The following HERC1 variants were observed in gnomAD, a reference collection of about 807,000 sequenced individuals.
HERC1 encodes the protein HECT and RLD domain containing E3 ubiquitin protein ligase family member 1.
Under a neutral mutation model 554.3 loss-of-function variants are expected in HERC1, and 160 were observed. The ratio of observed to expected loss-of-function variants is 0.29; its 90% CI spans 0.25 to 0.33. The LOEUF (loss-of-function observed/expected upper bound fraction) is 0.33, where lower values mean the gene tolerates loss of function less well. Ranked by LOEUF, HERC1 falls within the 10% of genes least tolerant of loss-of-function variation. HERC1 has a pLI of 1.00. For synonymous variants in HERC1, 2,175 were observed against 2,131.7 expected (o/e 1.02, Z -0.56); for missense variants, 4,919 against 5,918.5 (o/e 0.83, Z 5.54).
chr15:63,686,501 A>T lies in HERC1; in HGVS notation c.6083T>A (p.Leu2028His), dbSNP rs762982164. The T allele has an allele frequency of 1.3e-5, 21 of 1,613,518 alleles. No individual in the cohort carries two copies. Among genetic ancestry groups the T allele is most frequent in the Non-Finnish European group, 1.6e-5 (19 of 1,179,766 alleles). ...QGELEEEDEN[L>H]PIQEVSFDPE... ...GTCAAAGGATACTTCTTGGATAGGAAGATTCTCATCTTCTTCTTCCAACTC... is the reference window on the plus strand; with the variant it reads ...GTCAAAGGATACTTCTTGGATAGGATGATTCTCATCTTCTTCTTCCAACTC... The change falls in exon 34 of 78, where the codon CTT becomes CAT. Residue 2028 changes from leucine (L) to histidine (H), a missense_variant. Physicochemically the swap from Leu to His is moderately conservative, Grantham distance 99. Transcript: ENST00000443617.
intron 21 of HERC1, among the ~76,000 whole-genome samples, chr15:63,717,758 G>A (rs1208279208): frequency 6.6e-6 from 1 of 152,180 alleles, no homozygotes; most frequent in East Asian, 1.9e-4. Flanking sequence ...TGTAATCCCA[G>A]CTACTCGGGA....
chr15:63,747,415 A>C (rs2075094824), intron 11 of HERC1, among the ~76,000 whole-genome samples: 1 of 152,080 alleles, frequency 6.6e-6, no homozygotes, highest in Admixed American at 6.5e-5. Flanking sequence ...AACTGAGATC[A>C]TGCCACTGCA....
At chr15:63,776,037 CAAAA>C (rs34323931) in intron 1 of HERC1, among the ~76,000 whole-genome samples, 1 of 131,144 alleles carries the variant, frequency 7.6e-6, no homozygotes. Context: ...GACTCCGTCT[CAAAA>C]AAAAAAAAAA....
chr15:63,716,451 G>A lies in HERC1; in HGVS notation c.4001C>T (p.Ala1334Val). 6.2e-7 allele frequency: 1 copy of A among 1,611,480 alleles called. No homozygotes were observed. The highest frequency in any genetic ancestry group is 8.5e-7 in the Non-Finnish European group (1 of 1,178,832). ...DRWISENQDSADVDPQEHSFT... is the reference protein window; with the variant it reads ...DRWISENQDSVDVDPQEHSFT... ...TGAATGCTCCTGAGGATCAACATCT[G>A]CAGAGTCCTGGTTTTCTGATATCTT... The change falls in exon 22 of 78, where the codon GCA becomes GTA. Residue 1334 changes from alanine (A) to valine (V), a missense_variant. Physicochemically the swap from Ala to Val is moderately conservative, Grantham distance 64. Around this residue, in one of 11 missense-constraint regions of HERC1, gnomAD observed 1,121 missense variants for 1,244.0 expected, o/e 0.90. Coordinates refer to ENST00000443617, the MANE Select transcript of HERC1 (RefSeq NM_003922.4).
intron 25 of HERC1, among the ~76,000 whole-genome samples, chr15:63,704,897 C>T (rs758474410): frequency 2.0e-5 from 3 of 151,892 alleles, no homozygotes; most frequent in Non-Finnish European, 2.9e-5. Context: ...CACCACCACG[C>T]CCGGCTAATT....
chr15:63,828,267 T>C (rs573558548), intron 1 of HERC1, among the ~76,000 whole-genome samples: 1 of 150,780 alleles, frequency 6.6e-6, no homozygotes, highest in Non-Finnish European at 1.5e-5. Context: ...GGGCAAGAGG[T>C]AGAAACAAAG....
intron 2 of HERC1, among the ~76,000 whole-genome samples, chr15:63,771,120 C>A (rs1223761444): frequency 2.0e-5 from 3 of 151,592 alleles, no homozygotes; most frequent in Non-Finnish European, 2.9e-5. Flanking sequence ...ACCCAGGAGG[C>A]AGAGGTTGCA....
Position 63,616,523 on chromosome 15 carries a change from C to G in HERC1, c.13848G>C (p.Glu4616Asp), listed in dbSNP as rs2067826065. ...AGAGCAGATCCACCTCCTCCAGGTC[C>G]TCTAGGGTGAGTGGGACACAGCACA... ...KQLCCVPLTL[E>D]DLEEVDLLYV... Residue 4616 changes from glutamate to aspartate, a missense_variant, in exon 75 of 78, where the codon GAG becomes GAC. Glu to Asp is a conservative substitution (Grantham distance 45). Transcript: ENST00000443617. 2.5e-6 allele frequency: 4 copies of G among 1,614,000 alleles called. No homozygotes were observed. Among genetic ancestry groups the G allele is most frequent in the South Asian group, 2.2e-5 (2 of 91,082 alleles).
At position 63,661,892 on chromosome 15, in the gene HERC1, A is replaced by G; in HGVS notation, c.9031T>C (p.Tyr3011His). ...TCCACATAGGAACCATTGCTGCGAT[A>G]GCCCTGGCGGTTTGCACTGCGCCCA... ...GCGRSANRQG[Y>H]RSNGSYVDGW... Residue 3011 changes from tyrosine to histidine, a missense_variant, in exon 45 of 78, where the codon TAT (tyrosine) becomes CAT (histidine). This residue lies in a region of HERC1 where 1,963 missense variants were observed against 2,228.6 expected (regional missense o/e 0.88). Coordinates refer to ENST00000443617, the MANE Select transcript of HERC1 (RefSeq NM_003922.4). The G allele has an allele frequency of 6.2e-7, 1 of 1,614,020 alleles. No homozygotes were observed. Among genetic ancestry groups the G allele is most frequent in the South Asian group, 1.1e-5 (1 of 91,084 alleles).
In HERC1 at chr15:63,775,748, T is replaced by C; in HGVS notation, c.-26-99A>G. ...ATTACAATTAATGATTTCAAACTGGTGAAATGCAGCCGGGTGCGGTGGCTC... is the reference window on the plus strand; with the variant it reads ...ATTACAATTAATGATTTCAAACTGGCGAAATGCAGCCGGGTGCGGTGGCTC... On this transcript the variant is annotated intron_variant, in intron 1 of 77. Transcript: ENST00000443617. The surrounding 1 kb of genome is among the most constrained non-coding windows in gnomAD (Gnocchi z 4.0). 1 of 876,156 alleles carries C rather than the reference T, an allele frequency of 1.1e-6. No individual in the cohort carries two copies. The highest frequency in any genetic ancestry group is 1.7e-5 in the South Asian group (1 of 57,466). 54.3% of individuals were successfully genotyped at this position (876,156 alleles called of 1,614,324 possible). A position where few individuals can be genotyped will look rare whatever the true frequency, so the allele number is the denominator to read the frequency against.
chr15:63,636,693 C>T lies in HERC1; in HGVS notation c.12233-551G>A, dbSNP rs776477859. ...CAGCAATAGTTACAGTCATTAATGA[C>T]TGGCTATGCTCTAGCCACTCCTATA... On this transcript the variant is annotated intron_variant, in intron 64 of 77. Coordinates refer to ENST00000443617, the MANE Select transcript of HERC1 (RefSeq NM_003922.4). Among the ~76,000 whole-genome samples the T allele has an allele frequency of 3.2e-4, 48 of 152,226 alleles. 1 individual carries two copies. Among genetic ancestry groups the T allele is most frequent in the Admixed American group, 2.7e-3 (41 of 15,282 alleles).
chr15:63,746,788 C>G, intron 12 of HERC1, 130 bp downstream of exon 12: 1 of 802,268 alleles, frequency 1.2e-6, no homozygotes, highest in East Asian at 2.8e-5. Context: ...ATACTCTCAC[C>G]AAGAAAACAG....
chr15:63,758,201 C>A lies in HERC1; in HGVS notation c.1195G>T (p.Ala399Ser), dbSNP rs763319093. The change falls in exon 4 of 78, where the codon GCT becomes TCT. Residue 399 changes from alanine to serine, a missense_variant. Physicochemically the swap from Ala to Ser is moderately conservative, Grantham distance 99 (BLOSUM62 1). Coordinates refer to ENST00000443617, the MANE Select transcript of HERC1 (RefSeq NM_003922.4). This position sits in a 1 kb window ranked among gnomAD's most constrained non-coding sequence, Gnocchi z 4.0. ...TQEKILQPKLAPSFSDAQTIE... is the reference protein window; with the variant it reads ...TQEKILQPKLSPSFSDAQTIE... ...GTCTGTGCATCAGAGAAACTAGGAG[C>A]CAGTTTGGGTTGCAGTATTTTCTCC... 1 of 1,610,166 alleles carries A rather than the reference C, an allele frequency of 6.2e-7. No homozygotes were observed. The highest frequency in any genetic ancestry group is 8.5e-7 in the Non-Finnish European group (1 of 1,176,812).
At chr15:63,683,151 A>AG (rs1306464121) in intron 34 of HERC1, among the ~76,000 whole-genome samples, 7 of 151,682 alleles carry the variant, frequency 4.6e-5, no homozygotes, top group Non-Finnish European at 7.4e-5. Flanking sequence ...AAAAAAAAAA[A>AG]AAAGAAAGAA....
At position 63,612,464 on chromosome 15, in the gene HERC1, C is replaced by G. The variant is rs2152708874; in HGVS notation, c.14187G>C (p.Gly4729=). ...TAKQLEQMVC[G]MPEISVEVLK... is the part of the protein sequence containing the mutation. ...AGACTTCCACAGAGATCTCGGGCAT[C>G]CCACACACCATCTGCTCCAGTTGTT... is the stretch of plus-strand genomic sequence containing the variant. The change falls in exon 77 of 78, where the codon GGG becomes GGC. Residue 4729 remains glycine (G), a synonymous_variant. Transcript: ENST00000443617. This position sits in a 1 kb window ranked among gnomAD's most constrained non-coding sequence, Gnocchi z 5.0. 1 of 1,614,050 alleles carries G rather than the reference C, an allele frequency of 6.2e-7. No individual in the cohort carries two copies. The highest frequency in any genetic ancestry group is 8.5e-7 in the Non-Finnish European group (1 of 1,179,900).
chr15:63,759,178 A>G (rs534755587), intron 3 of HERC1, among the ~76,000 whole-genome samples: 3 of 152,356 alleles, frequency 2.0e-5, no homozygotes, highest in Admixed American at 6.5e-5. Flanking sequence ...CAAGAATCCT[A>G]TGATTCTTGA....
chr15:63,611,774 C>G (rs1467759257), intron 77 of HERC1, among the ~76,000 whole-genome samples: 1 of 152,174 alleles, frequency 6.6e-6, no homozygotes, highest in Non-Finnish European at 1.5e-5. Context: ...AATGATATTT[C>G]TAAACAAATT....
At chr15:63,810,783 GAA>G (rs1360475576) in intron 1 of HERC1, among the ~76,000 whole-genome samples, 1 of 152,144 alleles carries the variant, frequency 6.6e-6, no homozygotes, top group East Asian at 1.9e-4. Flanking sequence ...CATTTGCAAA[GAA>G]ATAATCTGGT....
intron 68 of HERC1, among the ~76,000 whole-genome samples, chr15:63,631,392 T>C (rs1212901197): frequency 6.6e-6 from 1 of 152,202 alleles, no homozygotes; most frequent in Non-Finnish European, 1.5e-5. Flanking sequence ...CAGTGGCTTC[T>C]TTTCAGGCTC....
Sources: gnomAD v4.1 joint callset for allele counts (sites outside exome capture counted in the v4.1 genomes callset) on GRCh38, gnomAD v4.1.1 for gene constraint, gnomAD v4.1.1 regional missense constraint, Gnocchi (gnomAD v3.1) non-coding constraint, MANE v1.5 for transcripts, NCBI Gene and HGNC (gene_info 2026-07-23, HGNC 2026-07-21) for gene names.